PRKN: variants seen among roughly 807,000 people sequenced by gnomAD.
PRKN encodes the protein E3 ubiquitin-protein ligase parkin.
Under a neutral mutation model 59.5 loss-of-function variants are expected in PRKN, and 56 were observed. The ratio of observed to expected loss-of-function variants is 0.94; its 90% CI spans 0.76 to 1.18. PRKN has a LOEUF of 1.18. PRKN is among the 50% of genes most tolerant of loss of function. The pLI, the probability that PRKN is intolerant of heterozygous loss-of-function variation, is 0.00. For synonymous variants in PRKN, 250 were observed against 222.1 expected (o/e 1.13, Z -1.12); for missense variants, 657 against 596.4 (o/e 1.10, Z -1.06).
At chr6:162,090,763 A>G (rs191686782) in intron 4 of PRKN, among the ~76,000 whole-genome samples, 2 of 152,338 alleles carry the variant, frequency 1.3e-5, no homozygotes, top group Non-Finnish European at 2.9e-5. Flanking sequence ...CTGAACTGAC[A>G]TTTCCTATCT....
chr6:161,849,422 A>G (rs2128222108), intron 6 of PRKN, among the ~76,000 whole-genome samples: 1 of 152,238 alleles, frequency 6.6e-6, no homozygotes, highest in African/African-American at 2.4e-5. Flanking sequence ...CTACTTTGTT[A>G]TTTATTCCAT....
At chr6:162,526,525 C>T (rs1778291180) in intron 1 of PRKN, among the ~76,000 whole-genome samples, 1 of 151,714 alleles carries the variant, frequency 6.6e-6, no homozygotes. Flanking sequence ...TGGCGCATGC[C>T]TGCAGTCCCA....
intron 2 of PRKN, among the ~76,000 whole-genome samples, chr6:162,292,885 A>G (rs1022573953): frequency 6.6e-6 from 1 of 152,170 alleles, no homozygotes; most frequent in Non-Finnish European, 1.5e-5. Flanking sequence ...CTGATTTCCA[A>G]CACTGGGTAG....
intron 1 of PRKN, among the ~76,000 whole-genome samples, chr6:162,687,500 T>C (rs1371475076): frequency 6.6e-6 from 1 of 151,980 alleles, no homozygotes; most frequent in Non-Finnish European, 1.5e-5. Context: ...GAGTCTTTTA[T>C]GGAGAAATAG....
chr6:162,648,727 T>C (rs1010243406), intron 1 of PRKN, among the ~76,000 whole-genome samples: 4 of 152,158 alleles, frequency 2.6e-5, no homozygotes, highest in Non-Finnish European at 5.9e-5. Context: ...GTGAGTAAGC[T>C]CCTTTTACCA....
chr6:161,540,631 C>T (rs542598147), intron 9 of PRKN, among the ~76,000 whole-genome samples: 5 of 152,180 alleles, frequency 3.3e-5, no homozygotes, highest in Non-Finnish European at 7.4e-5. Context: ...CTCAGCACTA[C>T]GGATTAAAAA....
At chr6:162,525,481 T>C (rs973963888) in intron 1 of PRKN, among the ~76,000 whole-genome samples, 1 of 152,184 alleles carries the variant, frequency 6.6e-6, no homozygotes, top group Non-Finnish European at 1.5e-5. Context: ...AAATCCCACC[T>C]GCCCCGTGAG....
At chr6:162,462,062 C>T (rs955645243) in intron 1 of PRKN, among the ~76,000 whole-genome samples, 11 of 152,020 alleles carry the variant, frequency 7.2e-5, no homozygotes, top group Admixed American at 3.3e-4. Flanking sequence ...GAGGTATTTA[C>T]AGTAGTGAGC....
chr6:161,777,749 ATATATATGTATATG>A (rs1371754767), intron 7 of PRKN, among the ~76,000 whole-genome samples: 6 of 131,974 alleles, frequency 4.5e-5, no homozygotes, highest in African/African-American at 9.2e-5. Flanking sequence ...GTATATATAG[ATATATATGTATATG>A]TATATATGTA....
intron 7 of PRKN, among the ~76,000 whole-genome samples, chr6:161,571,152 C>T (rs959168493): frequency 2.0e-5 from 3 of 152,072 alleles, no homozygotes; most frequent in African/African-American, 7.2e-5. Context: ...ACTATGCTGT[C>T]CAGGCTGGTC....
At chr6:162,492,000 G>C (rs1336470724) in intron 1 of PRKN, among the ~76,000 whole-genome samples, 1 of 152,114 alleles carries the variant, frequency 6.6e-6, no homozygotes, top group African/African-American at 2.4e-5. Flanking sequence ...TGGATTTCTA[G>C]GTGTGACTGT....
At chr6:162,355,168 T>C (rs1443583955) in intron 2 of PRKN, among the ~76,000 whole-genome samples, 1 of 151,554 alleles carries the variant, frequency 6.6e-6, no homozygotes, top group Non-Finnish European at 1.5e-5. Flanking sequence ...TCATGTTATA[T>C]TGATAATAGA....
intron 4 of PRKN, among the ~76,000 whole-genome samples, chr6:162,193,787 T>C (rs73594271): frequency 0.023 from 3,469 of 152,234 alleles, 142 homozygotes; most frequent in African/African-American, 0.078. Flanking sequence ...CACAGTGTGG[T>C]CTTTGGTGTC....
intron 7 of PRKN, among the ~76,000 whole-genome samples, chr6:161,673,060 C>G (rs2128169615): frequency 6.6e-6 from 1 of 152,206 alleles, no homozygotes; most frequent in East Asian, 1.9e-4. Context: ...TGAATCCAGC[C>G]ACATAACTTC....
At chr6:162,364,977 C>G (rs1344179562) in intron 2 of PRKN, among the ~76,000 whole-genome samples, 1 of 138,168 alleles carries the variant, frequency 7.2e-6, no homozygotes, top group East Asian at 2.0e-4. Context: ...CTCTCTCTCT[C>G]TCTTTTTTTT....
At position 161,566,268 on chromosome 6, in the gene PRKN, T is replaced by C. The variant is rs527653001; in HGVS notation, c.933+3087A>G. Among the ~76,000 whole-genome samples the C allele has an allele frequency of 6.6e-6, 1 of 152,284 alleles. No individual in the cohort carries two copies. Among genetic ancestry groups the C allele is most frequent in the African/African-American group, 2.4e-5 (1 of 41,576 alleles). The stretch of plus-strand genomic sequence containing the variant: ...GTCAAGGTTACCAAGGACCTCCACA[T>C]TGTGGAGTCCAGTGCTCATTTCTCA... On this transcript the variant is annotated intron_variant, in intron 8 of 11. Coordinates refer to ENST00000366898, the MANE Select transcript of PRKN (RefSeq NM_004562.3). The surrounding 1 kb of genome is among the most constrained non-coding windows in gnomAD (Gnocchi z 4.1).
chr6:162,492,850 G>A (rs1054129623), intron 1 of PRKN, among the ~76,000 whole-genome samples: 4 of 151,718 alleles, frequency 2.6e-5, no homozygotes, highest in Non-Finnish European at 4.4e-5. Flanking sequence ...CTACCCAGGA[G>A]GCTAAGGCAG....
chr6:162,328,737 C>T (rs1021110029), intron 2 of PRKN, among the ~76,000 whole-genome samples: 3 of 152,126 alleles, frequency 2.0e-5, no homozygotes, highest in Non-Finnish European at 2.9e-5. Flanking sequence ...TTAAAACAGG[C>T]TCCAGGGATG....
intron 2 of PRKN, among the ~76,000 whole-genome samples, chr6:162,434,415 A>G (rs942279759): frequency 6.6e-6 from 1 of 152,198 alleles, no homozygotes; most frequent in Non-Finnish European, 1.5e-5. Context: ...TACTATGGCA[A>G]TCTTCACTTG....
Sources: gnomAD v4.1 joint callset for allele counts (sites outside exome capture counted in the v4.1 genomes callset) on GRCh38, gnomAD v4.1.1 for gene constraint, Gnocchi (gnomAD v3.1) non-coding constraint, MANE v1.5 for transcripts, NCBI Gene and HGNC (gene_info 2026-07-23, HGNC 2026-07-21) for gene names.